Variants in AMOT observed in about 807,000 individuals in gnomAD.
The protein encoded by AMOT is angiomotin.
In AMOT, 11 loss-of-function variants were observed where a neutral mutation model predicts 67.0. The observed-to-expected ratio is 0.16, with a 90% CI of 0.10 to 0.27. The LOEUF is 0.27. Among genes scored for constraint, AMOT ranks in the 10% least tolerant of loss-of-function variants. The pLI is 1.00. For missense variants in AMOT, 753 were observed against 852.0 expected, an observed-to-expected ratio of 0.88 and a Z score of 1.45; for synonymous variants, 326 against 321.4, an observed-to-expected ratio of 1.01 and a Z score of -0.15.
At chrX:112,784,473 A>G (rs1398758438) in intron 10 of AMOT, among the ~76,000 whole-genome samples, 2 of 112,297 alleles carry the variant, frequency 1.8e-5, no homozygotes, top group Non-Finnish European at 3.8e-5. Context: ...AGAGAACCAC[A>G]TAACTCAGGA....
rs775771819 is a variant in AMOT at position 112,780,959 on chromosome X, G to A, written c.2400C>T (p.Ser800=). Residue 800 remains serine (S), a synonymous_variant, in exon 12 of 14, where the codon TCC becomes TCT. Transcript: ENST00000371959. Reference sequence around the variant, plus strand: ...GGGAGCCAGTCAGGGTGGATGAGTGGGAGAGCAAGCCTGATCCAGCATTGG... The same window carrying A: ...GGGAGCCAGTCAGGGTGGATGAGTGAGAGAGCAAGCCTGATCCAGCATTGG... ...SISNAGSGLL[S]HSSTLTGSPI... 8.3e-7 allele frequency: 1 copy of A among 1,212,014 alleles called. No homozygotes were observed. The highest frequency in any genetic ancestry group is 1.1e-6 in the Non-Finnish European group (1 of 895,578).
intron 10 of AMOT, among the ~76,000 whole-genome samples, chrX:112,788,015 C>T (rs370966548): frequency 1.8e-5 from 2 of 111,394 alleles, no homozygotes; most frequent in Non-Finnish European, 3.8e-5. Flanking sequence ...TGAGGGCGGG[C>T]GTGGTGGCTC....
intron 8 of AMOT, among the ~76,000 whole-genome samples, chrX:112,792,836 T>A (rs1933659798): frequency 9.0e-6 from 1 of 111,350 alleles, no homozygotes; most frequent in Admixed American, 9.6e-5. Flanking sequence ...TGCAAGCCTA[T>A]AAGCCATATC....
At chrX:112,798,306 C>T (rs1399248869) in intron 8 of AMOT, among the ~76,000 whole-genome samples, 1 of 112,543 alleles carries the variant, frequency 8.9e-6, no homozygotes, top group Non-Finnish European at 1.9e-5. Flanking sequence ...TTCTTTATAG[C>T]TTCTCATCAT....
In AMOT at chrX:112,779,376, GGCA is replaced by G. The variant is rs776596129; in HGVS notation, c.2775_2777del (p.Ala926del). ...TAGCAGCGGCAGTGGCTGGAGACGG[GGCA>G]GCAGCAGCAGCTGGAGCAGCAGCAG... On this transcript the variant is annotated inframe_deletion, in exon 13 of 14. Coordinates refer to ENST00000371959, the MANE Select transcript of AMOT (RefSeq NM_001113490.2). The G allele has an allele frequency of 3.8e-5, 38 of 1,006,036 alleles. No homozygotes were observed. Among genetic ancestry groups the G allele is most frequent in the East Asian group, 2.0e-4 (6 of 30,078 alleles). 82.9% of individuals were successfully genotyped at this position (1,006,036 alleles called of 1,213,427 possible). A position where few individuals can be genotyped will look rare whatever the true frequency, so the allele number is the denominator to read the frequency against.
At chrX:112,820,582 G>A (rs1934687823) in intron 4 of AMOT, among the ~76,000 whole-genome samples, 1 of 111,312 alleles carries the variant, frequency 9.0e-6, no homozygotes, top group East Asian at 2.8e-4. Flanking sequence ...TGTGTGCTGA[G>A]TGGGGCTGTG....
At chrX:112,807,128 A>T (rs776991142) in intron 7 of AMOT, among the ~76,000 whole-genome samples, 1 of 111,333 alleles carries the variant, frequency 9.0e-6, no homozygotes, top group South Asian at 3.9e-4. Context: ...ATCCAACTCC[A>T]GTCTGCTCTG....
chrX:112,839,636 T>G (rs141864613), intron 1 of AMOT, among the ~76,000 whole-genome samples: 1,377 of 111,537 alleles, frequency 0.012, 23 homozygotes, highest in African/African-American at 0.043. Context: ...TTAATTCTAC[T>G]TAGTCCCTTT....
intron 11 of AMOT, 54 bp from the exon 12 acceptor site, chrX:112,781,172 T>C: frequency 9.0e-7 from 1 of 1,110,161 alleles, no homozygotes; most frequent in Non-Finnish European, 1.2e-6. Context: ...CTGGGCGCGG[T>C]GGCTTACGCC....
At chrX:112,811,415 T>C in intron 5 of AMOT, 22 bp from the exon 6 acceptor site, 5 of 1,192,046 alleles carry the variant, frequency 4.2e-6, no homozygotes, top group Non-Finnish European at 5.7e-6. Flanking sequence ...AAAAAGACAA[T>C]GGTGGTGATG....
At position 112,779,673 on chromosome X, in the gene AMOT, G is replaced by A. The variant is rs1354846151; in HGVS notation, c.2481C>T (p.Leu827=). The A allele has an allele frequency of 4.2e-6, 5 of 1,188,803 alleles. No individual in the cohort carries two copies. Among genetic ancestry groups the A allele is most frequent in the Admixed American group, 2.2e-5 (1 of 44,777 alleles). ...DKSWKGSLGI[L]LGGDYRAEYV... is the part of the protein sequence containing the mutation. ...ATTCAGCACGGTAGTCTCCACCCAG[G>A]AGAATGCCTACAAATGAAAGAGGAA... Residue 827 remains leucine, a synonymous_variant, in exon 13 of 14, where the codon CTC becomes CTT. Transcript: ENST00000371959.
In AMOT at chrX:112,778,312, T is replaced by C. The variant is rs1782150754; in HGVS notation, c.*255A>G. The C allele has an allele frequency of 4.0e-6, 1 of 247,704 alleles. No homozygotes were observed. The highest frequency in any genetic ancestry group is 1.8e-4 in the South Asian group (1 of 5,449). The allele number at this position is 247,704 out of a possible 1,213,427, so 20.4% of individuals were successfully genotyped here. A position where few individuals can be genotyped will look rare whatever the true frequency, so the allele number is the denominator to read the frequency against. On this transcript the variant is annotated 3_prime_UTR_variant, in exon 14 of 14. Transcript: ENST00000371959. ...TAGCCACCTGTTAACAGTCCCAGTATTCGTATAAATTCAAACAATAAGCTT... is the reference window on the plus strand; with the variant it reads ...TAGCCACCTGTTAACAGTCCCAGTACTCGTATAAATTCAAACAATAAGCTT...
chrX:112,831,133 T>C (rs1275624953), intron 2 of AMOT, among the ~76,000 whole-genome samples: 1 of 109,773 alleles, frequency 9.1e-6, no homozygotes, highest in Non-Finnish European at 1.9e-5. Context: ...TTTGCAGACC[T>C]GACCATAAAA....
Position 112,822,981 on chromosome X carries a change from G to A in AMOT, c.146C>T (p.Pro49Leu). 8.6e-7 allele frequency: 1 copy of A among 1,167,640 alleles called. No individual in the cohort carries two copies. Among genetic ancestry groups the A allele is most frequent in the Non-Finnish European group, 1.1e-6 (1 of 873,066 alleles). ...QQATGNGPPF[P>L]SGSGNPGPQS... ...AGGGCCCGGGTTCCCACTGCCACTGGGGAAAGGAGGGCCATTCCCTGTGGC... is the reference window on the plus strand; with the variant it reads ...AGGGCCCGGGTTCCCACTGCCACTGAGGAAAGGAGGGCCATTCCCTGTGGC... The change falls in exon 4 of 14, where the codon CCC (proline) becomes CTC (leucine). Residue 49 changes from proline to leucine, a missense_variant. Coordinates refer to ENST00000371959, the MANE Select transcript of AMOT (RefSeq NM_001113490.2).
At chrX:112,784,632 G>A (rs1213361391) in intron 10 of AMOT, among the ~76,000 whole-genome samples, 3 of 111,885 alleles carry the variant, frequency 2.7e-5, no homozygotes, top group Non-Finnish European at 5.6e-5. Context: ...GGAGGAGAGC[G>A]AGAGCGAGAG....
intron 4 of AMOT, among the ~76,000 whole-genome samples, chrX:112,820,654 T>G (rs1262434955): frequency 9.0e-6 from 1 of 111,207 alleles, no homozygotes; most frequent in East Asian, 2.8e-4. Context: ...CATCAGCCCA[T>G]CAACAGACTC....
intron 7 of AMOT, among the ~76,000 whole-genome samples, chrX:112,805,373 ACACACACACAC>A (rs1934146716): frequency 0.011 from 33 of 2,884 alleles, no homozygotes; most frequent in African/African-American, 0.045. Context: ...CAAAGAATAC[ACACACACACAC>A]ACACACACAC....
chrX:112,814,260 G>A (rs1934467569), intron 5 of AMOT, among the ~76,000 whole-genome samples: 3 of 103,517 alleles, frequency 2.9e-5, no homozygotes, highest in Non-Finnish European at 3.9e-5. Context: ...TAACAAGAGC[G>A]AGACTCCGTC....
chrX:112,809,939 C>G lies in AMOT; in HGVS notation c.1585G>C (p.Gly529Arg). 1.7e-6 allele frequency: 2 copies of G among 1,211,048 alleles called. No homozygotes were observed. The highest frequency in any genetic ancestry group is 2.2e-6 in the Non-Finnish European group (2 of 895,242). ...NKQLAEKEYEGSEDTRKTISQ... is the reference protein window; with the variant it reads ...NKQLAEKEYERSEDTRKTISQ... Reference sequence around the variant, plus strand: ...ATGGTTTTTCTGGTGTCCTCTGACCCCTCATATTCCTTCTCTGCAAGCTGC... The same window carrying G: ...ATGGTTTTTCTGGTGTCCTCTGACCGCTCATATTCCTTCTCTGCAAGCTGC... Residue 529 changes from glycine to arginine, a missense_variant, in exon 7 of 14, where the codon GGG (glycine) becomes CGG (arginine). Physicochemically the swap from Gly to Arg is moderately radical, Grantham distance 125 (BLOSUM62 -2). This residue lies in a region of AMOT where 297 missense variants were observed against 284.3 expected (regional missense o/e 1.04). Transcript: ENST00000371959.
Sources: allele counts gnomAD v4.1 joint callset (sites outside exome capture counted in the v4.1 genomes callset), GRCh38; gene constraint gnomAD v4.1.1; regional missense constraint gnomAD v4.1.1; transcripts MANE v1.5; gene names NCBI Gene and HGNC (gene_info 2026-07-23, HGNC 2026-07-21).